The following RNPEP variants were observed in gnomAD, a reference collection of about 807,000 sequenced individuals.
RNPEP encodes the protein aminopeptidase B.
In RNPEP, 57 loss-of-function variants were observed where a neutral mutation model predicts 70.1. The observed-to-expected ratio is 0.81, with a 90% CI of 0.66 to 1.01. RNPEP has a LOEUF of 1.01. RNPEP is among the 50% of genes least tolerant of loss of function. The probability of loss-of-function intolerance (pLI) is 0.00; values close to 1 mark genes in which losing one functional copy is unlikely to be tolerated. For missense variants in RNPEP, 787 were observed against 852.4 expected (o/e 0.92, Z 0.96); for synonymous variants, 335 against 357.4 (o/e 0.94, Z 0.71).
chr1:202,005,399 T>G (rs1365811421), intron 10 of RNPEP, among the ~76,000 whole-genome samples, 159 bp from the exon 11 acceptor site: 1 of 152,188 alleles, frequency 6.6e-6, no homozygotes, highest in Non-Finnish European at 1.5e-5. Flanking sequence ...GATGCCTGAA[T>G]TAGAGCACTT....
intron 1 of RNPEP, among the ~76,000 whole-genome samples, chr1:201,986,438 A>G (rs567432161): frequency 1.3e-5 from 2 of 151,558 alleles, no homozygotes; most frequent in South Asian, 4.2e-4. Context: ...ATAGCGTAGG[A>G]TGACCCTGTA....
intron 1 of RNPEP, among the ~76,000 whole-genome samples, chr1:201,985,237 A>C (rs997203952): frequency 6.6e-6 from 1 of 151,914 alleles, no homozygotes; most frequent in Non-Finnish European, 1.5e-5. Context: ...ATCAGTAAAA[A>C]CATCACTGAC....
intron 1 of RNPEP, among the ~76,000 whole-genome samples, chr1:201,988,457 CAAAAAAAAAA>C (rs142459545): frequency 1.7e-5 from 2 of 114,398 alleles, no homozygotes; most frequent in African/African-American, 6.6e-5. Context: ...TACTCTGTCT[CAAAAAAAAAA>C]AAAAAAAAAA....
Position 201,999,914 on chromosome 1 carries a change from C to G in RNPEP, c.1103C>G (p.Thr368Ser). 2.5e-6 allele frequency: 4 copies of G among 1,613,710 alleles called. No homozygotes were observed. The highest frequency in any genetic ancestry group is 3.4e-6 in the Non-Finnish European group (4 of 1,179,820). Residue 368 changes from threonine to serine, a missense_variant, in exon 6 of 11, where the codon ACC (threonine) becomes AGC (serine). By Grantham distance (58) the Thr-to-Ser change is moderately conservative. Coordinates refer to ENST00000295640, the MANE Select transcript of RNPEP (RefSeq NM_020216.4). ...ISTILFGAAY[T>S]CLEAATGRAL... is the part of the protein sequence containing the mutation. ...GATTCTGCACCAGGCGCTGCGTACA[C>G]CTGCTTGGAGGCTGCAACGGGGCGG...
At chr1:201,994,937 A>C (rs117952118) in intron 3 of RNPEP, among the ~76,000 whole-genome samples, 1 of 144,620 alleles carries the variant, frequency 6.9e-6, no homozygotes. Flanking sequence ...ACTTCGGCCT[A>C]CCGAAGTACT....
chr1:201,993,612 CA>C (rs113348804), intron 3 of RNPEP, among the ~76,000 whole-genome samples: 3,484 of 134,222 alleles, frequency 0.026, 56 homozygotes, highest in South Asian at 0.092. Flanking sequence ...AAAGCCAAAA[CA>C]AAAAAAAAAA....
At chr1:201,983,757 CTTTAA>C (rs1159768519) in intron 1 of RNPEP, 60 of 1,101,508 alleles carry the variant, frequency 5.4e-5, no homozygotes, top group East Asian at 8.1e-5. Flanking sequence ...TTGGTTAACT[CTTTAA>C]TTTTTTTTCG....
In RNPEP at chr1:201,997,111, G is replaced by C. The variant is rs139630607; in HGVS notation, c.855-208G>C. On this transcript the variant is annotated intron_variant, in intron 4 of 10. Coordinates refer to ENST00000295640, the MANE Select transcript of RNPEP (RefSeq NM_020216.4). ...GCTCCAGGAGAGCAGACACCACCTC[G>C]ATGAGGGAAGTCCCAGCAAGGCAGG... Among the ~76,000 whole-genome samples, 15 of 152,240 alleles carry C rather than the reference G, an allele frequency of 9.9e-5. No homozygotes were observed. The East Asian group carries it at 2.7e-3, about 28-fold the overall frequency.
chr1:201,986,664 C>T (rs1039825482), intron 1 of RNPEP, among the ~76,000 whole-genome samples: 10 of 151,710 alleles, frequency 6.6e-5, no homozygotes, highest in African/African-American at 2.4e-4. Flanking sequence ...CCTCAGCCTC[C>T]GAAGTAGCTG....
intron 1 of RNPEP, chr1:201,983,906 A>C: frequency 2.1e-6 from 2 of 967,458 alleles, no homozygotes; most frequent in Non-Finnish European, 2.5e-6. Context: ...TGCAAGTTTC[A>C]TAGTAAACTG....
At chr1:201,997,952 G>A (rs530233184) in intron 5 of RNPEP, among the ~76,000 whole-genome samples, 22 of 152,040 alleles carry the variant, frequency 1.4e-4, no homozygotes, top group African/African-American at 4.8e-4. Flanking sequence ...TAGAAGAGAC[G>A]AGGTTTCTCC....
In RNPEP at chr1:201,982,938, C is replaced by A; in HGVS notation, c.272C>A (p.Ala91Glu). Residue 91 changes from alanine (A) to glutamate (E), a missense_variant, in exon 1 of 11, where the codon GCG (alanine) becomes GAG (glutamate). Coordinates refer to ENST00000295640, the MANE Select transcript of RNPEP (RefSeq NM_020216.4). Reference protein sequence around the residue: ...DSHPCLEVTAAALRRERPGSE... With the variant: ...DSHPCLEVTAEALRRERPGSE... The stretch of plus-strand genomic sequence containing the variant: ...CACCCGTGCCTGGAGGTGACGGCGG[C>A]GGCGCTGCGGCGGGAGCGGCCCGGC... 1 of 1,487,492 alleles carries A rather than the reference C, an allele frequency of 6.7e-7. No individual in the cohort carries two copies. The highest frequency in any genetic ancestry group is 8.9e-7 in the Non-Finnish European group (1 of 1,122,372). 92.1% of individuals were successfully genotyped at this position (1,487,492 alleles called of 1,614,324 possible).
intron 1 of RNPEP, among the ~76,000 whole-genome samples, chr1:201,987,813 C>A (rs1172154190): frequency 6.6e-6 from 1 of 151,402 alleles, no homozygotes; most frequent in East Asian, 2.0e-4. Context: ...ATATAAAATA[C>A]CTTTCTTCTG....
In RNPEP at chr1:202,003,407, T is replaced by C. The variant is rs1683914728; in HGVS notation, c.1597T>C (p.Tyr533His). The change falls in exon 9 of 11, where the codon TAC becomes CAC. Residue 533 changes from tyrosine (Y) to histidine (H), a missense_variant. By Grantham distance (83) the Tyr-to-His change is moderately conservative. Transcript: ENST00000295640. The part of the protein sequence containing the change: ...EAVAISPWKT[Y>H]QLVYFLDKIL... ...CGTGGCCATCTCTCCCTGGAAGACC[T>C]ACCAGCTGGTCTACTTCCTGGATAA... The C allele has an allele frequency of 6.2e-7, 1 of 1,614,122 alleles. No homozygotes were observed. The highest frequency in any genetic ancestry group is 8.5e-7 in the Non-Finnish European group (1 of 1,180,004).
chr1:202,001,456 G>A lies in RNPEP; in HGVS notation c.1285G>A (p.Gly429Ser), dbSNP rs1455541232. Reference protein sequence around the residue: ...CFVSYLAHLVGDQDQFDSFLK... With the variant: ...CFVSYLAHLVSDQDQFDSFLK... ...TGTTTCATACCTGGCCCACTTGGTG[G>A]GTGATCAGGATCAGTTTGACAGTTT... is the stretch of plus-strand genomic sequence containing the variant. The change falls in exon 7 of 11, where the codon GGT becomes AGT. Residue 429 changes from glycine (G) to serine (S), a missense_variant. Physicochemically the swap from Gly to Ser is moderately conservative, Grantham distance 56 (BLOSUM62 0). Coordinates refer to ENST00000295640, the MANE Select transcript of RNPEP (RefSeq NM_020216.4). The A allele has an allele frequency of 6.2e-7, 1 of 1,613,544 alleles. No homozygotes were observed. Among genetic ancestry groups the A allele is most frequent in the Non-Finnish European group, 8.5e-7 (1 of 1,179,480 alleles).
intron 4 of RNPEP, among the ~76,000 whole-genome samples, chr1:201,996,582 C>T (rs143351408): frequency 0.11 from 16,982 of 151,836 alleles, 1,602 homozygotes; most frequent in African/African-American, 0.25. Context: ...CAACCTCCAC[C>T]TCCCAGGTTC....
At chr1:201,993,943 G>A (rs1390777102) in intron 3 of RNPEP, among the ~76,000 whole-genome samples, 1 of 130,338 alleles carries the variant, frequency 7.7e-6, no homozygotes, top group East Asian at 2.2e-4. Context: ...ACAACCCATT[G>A]GAATCCAGCC....
In RNPEP at chr1:202,005,849, G is replaced by A; in HGVS notation, c.*133G>A. 9.2e-7 allele frequency: 1 copy of A among 1,092,584 alleles called. No individual in the cohort carries two copies. Among genetic ancestry groups the A allele is most frequent in the Non-Finnish European group, 1.3e-6 (1 of 759,738 alleles). 67.7% of individuals were successfully genotyped at this position (1,092,584 alleles called of 1,614,324 possible). On this transcript the variant is annotated 3_prime_UTR_variant, in exon 11 of 11. Coordinates refer to ENST00000295640, the MANE Select transcript of RNPEP (RefSeq NM_020216.4). The stretch of plus-strand genomic sequence containing the variant: ...TCAGGATAATCTATTCTCTAGCTTA[G>A]GTATCTGTGACTCTTGGGCCTCTGC...
chr1:201,983,757 C>CT, intron 1 of RNPEP: 1 of 1,101,508 alleles, frequency 9.1e-7, no homozygotes, highest in Non-Finnish European at 1.1e-6. Context: ...TTGGTTAACT[C>CT]TTTAATTTTT....
Sources: gnomAD v4.1 joint callset for allele counts (sites outside exome capture counted in the v4.1 genomes callset) on GRCh38, gnomAD v4.1.1 for gene constraint, MANE v1.5 for transcripts, NCBI Gene and HGNC (gene_info 2026-07-23, HGNC 2026-07-21) for gene names.